The following PRKD1 variants were observed in gnomAD, a reference collection of about 807,000 sequenced individuals.
The protein encoded by PRKD1 is serine/threonine-protein kinase D1.
Under a neutral mutation model 95.9 loss-of-function variants are expected in PRKD1, and 63 were observed. The observed-to-expected ratio is 0.66, with a 90% CI of 0.54 to 0.81. The LOEUF (loss-of-function observed/expected upper bound fraction) is 0.81, where lower values mean the gene tolerates loss of function less well. Ranked by LOEUF, PRKD1 falls within the 30% of genes least tolerant of loss-of-function variation. The probability of loss-of-function intolerance (pLI) is 0.00; values close to 1 mark genes in which losing one functional copy is unlikely to be tolerated. For missense variants in PRKD1, 1,048 were observed against 1,165.3 expected (o/e 0.90, Z 1.47); for synonymous variants, 425 against 423.1 (o/e 1.00, Z -0.05).
intron 13 of PRKD1, among the ~76,000 whole-genome samples, chr14:29,617,463 A>G (rs1878945011): frequency 6.6e-6 from 1 of 152,226 alleles, no homozygotes; most frequent in Admixed American, 6.5e-5. Flanking sequence ...TATGACCCAT[A>G]AAATTCATTT....
intron 13 of PRKD1, among the ~76,000 whole-genome samples, chr14:29,607,533 C>T (rs985050817): frequency 2.0e-5 from 3 of 152,120 alleles, no homozygotes; most frequent in South Asian, 4.1e-4. Flanking sequence ...GTGAAGTCCC[C>T]GTTTCCTCGC....
At chr14:29,610,987 T>C (rs1479826757) in intron 13 of PRKD1, among the ~76,000 whole-genome samples, 1 of 152,196 alleles carries the variant, frequency 6.6e-6, no homozygotes, top group Admixed American at 6.5e-5. Context: ...GAAAGATCAG[T>C]GGCTGACAGG....
chr14:29,795,197 ATTTATT>A (rs1372263640), intron 1 of PRKD1, among the ~76,000 whole-genome samples: 2 of 152,054 alleles, frequency 1.3e-5, no homozygotes, highest in African/African-American at 4.8e-5. Flanking sequence ...AAACTATTAT[ATTTATT>A]GAGATGCTAA....
chr14:29,663,679 G>A lies in PRKD1; in HGVS notation c.696+20C>T, dbSNP rs768919739. ...AGATTTCTCATGTAAATGGGGAAGT[G>A]GGTAAACAGGAAGCCATACCAGAAG... is the stretch of plus-strand genomic sequence containing the variant. On this transcript the variant is annotated intron_variant, in intron 4 of 17. Coordinates refer to ENST00000331968, the MANE Select transcript of PRKD1 (RefSeq NM_002742.3). 6.2e-7 allele frequency: 1 copy of A among 1,610,338 alleles called. No homozygotes were observed. Among genetic ancestry groups the A allele is most frequent in the South Asian group, 1.1e-5 (1 of 90,924 alleles).
chr14:29,908,691 T>C (rs139467651), intron 1 of PRKD1, among the ~76,000 whole-genome samples: 14 of 152,304 alleles, frequency 9.2e-5, no homozygotes, highest in African/African-American at 3.4e-4. Flanking sequence ...GGGTACAAGT[T>C]AAATATACTG....
At chr14:29,921,995 T>A (rs550565119) in intron 1 of PRKD1, among the ~76,000 whole-genome samples, 23 of 152,324 alleles carry the variant, frequency 1.5e-4, no homozygotes, top group African/African-American at 5.5e-4. Flanking sequence ...AAATAGTACA[T>A]ACCTGTTTTA....
rs1170429650 is a variant in PRKD1, at chr14:29,626,611, C to G, written c.1726-55G>C. 2.7e-6 allele frequency: 3 copies of G among 1,101,716 alleles called. No homozygotes were observed. The African/African-American group carries it at 4.9e-5, about 18-fold the overall frequency. 68.2% of individuals were successfully genotyped at this position (1,101,716 alleles called of 1,614,324 possible). ...CATGAAGCAGAACAAAACATTAGTC[C>G]TAAAAATTAATATAATTCTATTAAA... On this transcript the variant is annotated intron_variant, in intron 11 of 17. Transcript: ENST00000331968.
chr14:29,892,281 G>T (rs1209531900), intron 1 of PRKD1, among the ~76,000 whole-genome samples: 1 of 152,070 alleles, frequency 6.6e-6, no homozygotes, highest in Non-Finnish European at 1.5e-5. Flanking sequence ...CAGGAGATAT[G>T]GGGTAAGTAA....
At chr14:29,621,337 T>TATA (rs761619164) in intron 13 of PRKD1, among the ~76,000 whole-genome samples, 47 of 151,460 alleles carry the variant, frequency 3.1e-4, no homozygotes, top group Non-Finnish European at 4.6e-4. Context: ...AAACTTAAAG[T>TATA]ATAATAATAA....
rs1892590202 is a variant in PRKD1, at chr14:29,577,328, G to A, written c.2649C>T (p.His883=). 2.5e-6 allele frequency: 4 copies of A among 1,613,710 alleles called. No individual in the cohort carries two copies. In the African/African-American group the frequency reaches 4.0e-5, roughly 16 times the overall value. Residue 883 remains histidine, a synonymous_variant, in exon 18 of 18, where the codon CAC becomes CAT. Transcript: ENST00000331968. ...TGTGGCTAGCACTTGGATTGATCAG[G>A]TGTGTGGGGTACTGCAGCCCCTGCT... The part of the protein sequence containing the change: ...AGEQGLQYPT[H]LINPSASHSD...
intron 1 of PRKD1, among the ~76,000 whole-genome samples, chr14:29,899,525 TA>T (rs1894248218): frequency 2.6e-5 from 4 of 152,148 alleles, no homozygotes; most frequent in Non-Finnish European, 5.9e-5. Flanking sequence ...CCCACGCCTA[TA>T]ATCCCAGCTA....
intron 2 of PRKD1, among the ~76,000 whole-genome samples, chr14:29,718,905 A>G (rs997482513): frequency 1.3e-5 from 2 of 152,196 alleles, no homozygotes; most frequent in African/African-American, 2.4e-5. Flanking sequence ...GTGATTTACT[A>G]TATCACTCTT....
chr14:29,631,560 C>T (rs1036617324), intron 9 of PRKD1, among the ~76,000 whole-genome samples: 1 of 150,088 alleles, frequency 6.7e-6, no homozygotes, highest in Non-Finnish European at 1.5e-5. Context: ...AGTGCAGTGG[C>T]GTGATCTCGG....
chr14:29,623,319 TTTTA>T (rs2139087606), intron 13 of PRKD1, among the ~76,000 whole-genome samples: 1 of 152,318 alleles, frequency 6.6e-6, no homozygotes, highest in Admixed American at 6.5e-5. Context: ...TTTTTCAGGT[TTTTA>T]TCATATGAAA....
intron 2 of PRKD1, among the ~76,000 whole-genome samples, chr14:29,700,964 ACGCGTGCGCATGC>A (rs1224259475): frequency 9.1e-5 from 4 of 44,018 alleles, no homozygotes; most frequent in African/African-American, 6.7e-4. Context: ...ATTTGTGTGT[ACGCGTGCGCATGC>A]GCGCGCGCGC....
rs528812282 is a variant in PRKD1 at position 29,591,725 on chromosome 14, C to T, written c.2434+5766G>A. 2.6e-5 allele frequency among the ~76,000 whole-genome samples: 4 copies of T among 152,060 alleles called. 1 individual carries two copies. The highest frequency in any genetic ancestry group is 9.7e-5 in the African/African-American group (4 of 41,402). ...CAAATATTCTTGCTTTGAGTAATAG[C>T]TAGTTTTTACATTTTCCATTTTTAA... is the stretch of plus-strand genomic sequence containing the variant. On this transcript the variant is annotated intron_variant, in intron 16 of 17. Coordinates refer to ENST00000331968, the MANE Select transcript of PRKD1 (RefSeq NM_002742.3).
At chr14:29,653,851 T>C (rs898615014) in intron 4 of PRKD1, among the ~76,000 whole-genome samples, 1 of 152,184 alleles carries the variant, frequency 6.6e-6, no homozygotes, top group African/African-American at 2.4e-5. Flanking sequence ...CAATTCACCA[T>C]GGCTGAAATA....
intron 1 of PRKD1, among the ~76,000 whole-genome samples, chr14:29,824,572 T>C (rs1353409516): frequency 6.6e-6 from 1 of 152,010 alleles, no homozygotes; most frequent in Non-Finnish European, 1.5e-5. Flanking sequence ...CAGGAAAAAA[T>C]TGTTAGGCTC....
In PRKD1 at chr14:29,897,375, C is replaced by A. The variant is rs546378960; in HGVS notation, c.264+29874G>T. Among the ~76,000 whole-genome samples the A allele has an allele frequency of 2.6e-5, 4 of 152,060 alleles. No individual in the cohort carries two copies. The South Asian group carries it at 8.3e-4, about 32-fold the overall frequency. On this transcript the variant is annotated intron_variant, in intron 1 of 17. Coordinates refer to ENST00000331968, the MANE Select transcript of PRKD1 (RefSeq NM_002742.3). ...TAAACAACTATACAATGGGTATTAC[C>A]GCACAAATAATCAGATATTCCTGCA...
Sources: gnomAD v4.1 joint callset for allele counts (sites outside exome capture counted in the v4.1 genomes callset) on GRCh38, gnomAD v4.1.1 for gene constraint, MANE v1.5 for transcripts, NCBI Gene and HGNC (gene_info 2026-07-23, HGNC 2026-07-21) for gene names.